KIF9: variants seen among roughly 807,000 people sequenced by gnomAD.
KIF9 encodes the protein kinesin family member 9.
KIF9 carries 68 observed loss-of-function variants against 94.8 expected under a neutral mutation model. The ratio of observed to expected loss-of-function variants is 0.72; its 90% CI spans 0.59 to 0.88. The LOEUF is 0.88. Ranked by LOEUF, KIF9 falls within the 40% of genes least tolerant of loss-of-function variation. KIF9 has a pLI of 0.00. For synonymous variants in KIF9, 343 were observed against 362.1 expected (o/e 0.95, Z 0.60); for missense variants, 882 against 982.5 (o/e 0.90, Z 1.37).
At chr3:47,236,664 T>A (rs1425940928) in intron 17 of KIF9, 45 bp from the exon 18 acceptor site, 4 of 1,572,846 alleles carry the variant, frequency 2.5e-6, no homozygotes, top group Non-Finnish European at 3.5e-6. Context: ...GGTGTCCACC[T>A]GAAATTGGGG....
chr3:47,277,934 C>T (rs1036387343), intron 1 of KIF9, among the ~76,000 whole-genome samples: 2 of 152,114 alleles, frequency 1.3e-5, no homozygotes, highest in Non-Finnish European at 2.9e-5. Context: ...ATATCACAGA[C>T]AGTCCCCTAC....
In KIF9 at chr3:47,282,699, G is replaced by T; in HGVS notation, c.-210C>A. 7.3e-7 allele frequency: 1 copy of T among 1,361,274 alleles called. No individual in the cohort carries two copies. The highest frequency in any genetic ancestry group is 1.6e-5 in the South Asian group (1 of 62,748). The allele number at this position is 1,361,274 out of a possible 1,614,324, so 84.3% of individuals were successfully genotyped here. A position where few individuals can be genotyped will look rare whatever the true frequency, so the allele number is the denominator to read the frequency against. ...GAGGTCATGGCCGAATCGGGAAGACGAGAGATGGGGCCGATTGATCTAGAA... is the reference window on the plus strand; with the variant it reads ...GAGGTCATGGCCGAATCGGGAAGACTAGAGATGGGGCCGATTGATCTAGAA... On this transcript the variant is annotated 5_prime_UTR_variant, in exon 1 of 21. Transcript: ENST00000684063.
Position 47,271,287 on chromosome 3 carries a change from A to ACAAGC in KIF9, c.536_540dup (p.Ser181AlafsTer26). On this transcript the variant is annotated frameshift_variant, in exon 5 of 21. Transcript: ENST00000684063. LOFTEE classifies it high-confidence loss of function. ...TCCTCCTGACTTGTGAGGTGAACTG[A>ACAAGC]CAAGCCCTTAATGAAGACTCCTTGA... is the stretch of plus-strand genomic sequence containing the variant. The ACAAGC allele has an allele frequency of 6.2e-7, 1 of 1,614,134 alleles. No individual in the cohort carries two copies. Among genetic ancestry groups the ACAAGC allele is most frequent in the Non-Finnish European group, 8.5e-7 (1 of 1,180,006 alleles).
intron 1 of KIF9, among the ~76,000 whole-genome samples, chr3:47,278,515 G>C (rs980657381): frequency 6.6e-6 from 1 of 152,078 alleles, no homozygotes; most frequent in Non-Finnish European, 1.5e-5. Flanking sequence ...GACTACAGGC[G>C]CATGGCTTGG....
At chr3:47,230,829 GGAGTTCAA>G (rs1317832050) in intron 20 of KIF9, among the ~76,000 whole-genome samples, 1 of 152,086 alleles carries the variant, frequency 6.6e-6, no homozygotes, top group Non-Finnish European at 1.5e-5. Context: ...CACGAGGTCA[GGAGTTCAA>G]GACCAGGCTG....
At chr3:47,274,836 C>T (rs553802380) in intron 3 of KIF9, among the ~76,000 whole-genome samples, 1 of 152,324 alleles carries the variant, frequency 6.6e-6, no homozygotes, top group African/African-American at 2.4e-5. Flanking sequence ...AAATATAAAA[C>T]CTAAACTTGC....
chr3:47,278,317 C>T (rs1324926729), intron 1 of KIF9, among the ~76,000 whole-genome samples: 1 of 152,132 alleles, frequency 6.6e-6, no homozygotes, highest in African/African-American at 2.4e-5. Context: ...CTCAAGTGAT[C>T]CTCCTATCTT....
intron 3 of KIF9, among the ~76,000 whole-genome samples, chr3:47,274,297 A>G (rs1266684843): frequency 6.6e-6 from 1 of 152,156 alleles, no homozygotes; most frequent in Non-Finnish European, 1.5e-5. Context: ...GCACTTCTCA[A>G]CATCCTTTAG....
chr3:47,257,471 C>T lies in KIF9; in HGVS notation c.1059+12G>A, dbSNP rs1245914943. ...CCCACAGTGGGACACCTGTCCACAACCCCTGCTGTACCTCAGCATCATACT... is the reference window on the plus strand; with the variant it reads ...CCCACAGTGGGACACCTGTCCACAATCCCTGCTGTACCTCAGCATCATACT... On this transcript the variant is annotated intron_variant, in intron 10 of 20. Coordinates refer to ENST00000684063, the MANE Select transcript of KIF9 (RefSeq NM_182902.4). 1 of 1,611,956 alleles carries T rather than the reference C, an allele frequency of 6.2e-7. No individual in the cohort carries two copies. The highest frequency in any genetic ancestry group is 1.3e-5 in the African/African-American group (1 of 74,908).
intron 1 of KIF9, chr3:47,281,212 G>A (rs1702319668): frequency 3.5e-6 from 2 of 575,272 alleles, no homozygotes; most frequent in African/African-American, 1.9e-5. Flanking sequence ...GAGTCCCAAG[G>A]GGCATATGAT....
chr3:47,271,183 G>A, intron 5 of KIF9, 54 bp downstream of exon 5: 1 of 1,236,396 alleles, frequency 8.1e-7, no homozygotes, highest in Non-Finnish European at 1.2e-6. Flanking sequence ...AGCTGAGAAG[G>A]AGGGTGGCAG....
chr3:47,249,716 T>C (rs1345538634), intron 10 of KIF9, among the ~76,000 whole-genome samples: 1 of 152,184 alleles, frequency 6.6e-6, no homozygotes. Flanking sequence ...CTCCTGATAA[T>C]CTTTGTTCAA....
chr3:47,261,607 A>AG (rs1700978309), intron 9 of KIF9, among the ~76,000 whole-genome samples: 1 of 152,224 alleles, frequency 6.6e-6, no homozygotes, highest in South Asian at 2.1e-4. Context: ...AGTGGGCCAG[A>AG]GGAAAGACTG....
At position 47,244,540 on chromosome 3, in the gene KIF9, C is replaced by T. The variant is rs988097488; in HGVS notation, c.1514+251G>A. ...ACTTCCCCTCTCTAAGCCTCTGTTT[C>T]TTCATCAGTGTAATGAAGACATTAA... is the stretch of plus-strand genomic sequence containing the variant. On this transcript the variant is annotated intron_variant, in intron 15 of 20. Transcript: ENST00000684063. 1.1e-4 allele frequency: 50 copies of T among 465,976 alleles called. 1 individual carries two copies. The highest frequency in any genetic ancestry group is 5.4e-4 in the Admixed American group (16 of 29,408). The allele number at this position is 465,976 out of a possible 1,614,324, so 28.9% of individuals were successfully genotyped here.
chr3:47,262,022 CCT>C (rs986556154), intron 9 of KIF9, among the ~76,000 whole-genome samples: 1 of 152,232 alleles, frequency 6.6e-6, no homozygotes, highest in Non-Finnish European at 1.5e-5. Flanking sequence ...GTCCCAAACC[CCT>C]GAGACCCCTC....
chr3:47,252,453 C>T (rs1007007587), intron 10 of KIF9, among the ~76,000 whole-genome samples: 20 of 151,774 alleles, frequency 1.3e-4, no homozygotes. Flanking sequence ...AAAATTAAGT[C>T]AGGCGTGGTG....
intron 19 of KIF9, 119 bp downstream of exon 19, chr3:47,235,915 G>A: frequency 3.9e-6 from 3 of 768,898 alleles, no homozygotes; most frequent in Non-Finnish European, 6.6e-6. Context: ...TGGGCTGGCT[G>A]TGGAGAGGCT....
At chr3:47,252,083 C>T (rs556159605) in intron 10 of KIF9, among the ~76,000 whole-genome samples, 1 of 152,262 alleles carries the variant, frequency 6.6e-6, no homozygotes, top group East Asian at 1.9e-4. Flanking sequence ...GGCATCAATA[C>T]CGAAGACAGT....
intron 10 of KIF9, 108 bp downstream of exon 10, chr3:47,257,375 T>A (rs915938851): frequency 1.1e-6 from 1 of 947,654 alleles, no homozygotes; most frequent in East Asian, 2.4e-5. Context: ...CAGGGCTGCA[T>A]GGGGATCTTT....
Sources: gnomAD v4.1 joint callset for allele counts (sites outside exome capture counted in the v4.1 genomes callset) on GRCh38, gnomAD v4.1.1 for gene constraint, MANE v1.5 for transcripts, NCBI Gene and HGNC (gene_info 2026-07-23, HGNC 2026-07-21) for gene names.